LRCH2: variants seen among roughly 807,000 people sequenced by gnomAD.
LRCH2 encodes leucine rich repeats and calponin homology domain containing 2, also known as leucine-rich repeat and calponin homology domain-containing protein 2.
In LRCH2, 38 loss-of-function variants were observed where a neutral mutation model predicts 68.9. The observed-to-expected ratio is 0.55, with a 90% confidence interval of 0.43 to 0.72. The LOEUF is 0.72. Ranked by LOEUF, LRCH2 falls within the 30% of genes least tolerant of loss-of-function variation. The probability of loss-of-function intolerance (pLI) is 0.00; values close to 1 mark genes in which losing one functional copy is unlikely to be tolerated. For synonymous variants in LRCH2, 191 were observed against 208.1 expected, an observed-to-expected ratio of 0.92 and a Z score of 0.71; for missense variants, 528 against 572.9, an observed-to-expected ratio of 0.92 and a Z score of 0.80.
intron 1 of LRCH2, chrX:115,189,696 C>T: frequency 8.6e-7 from 1 of 1,168,153 alleles, no homozygotes; most frequent in Non-Finnish European, 1.1e-6. Context: ...CCCAGACCAT[C>T]AAACCGGCAT....
intron 20 of LRCH2, among the ~76,000 whole-genome samples, chrX:115,114,083 G>A (rs1383751403): frequency 2.7e-5 from 3 of 111,199 alleles, no homozygotes; most frequent in South Asian, 3.7e-4. Flanking sequence ...ACAGCCAAAT[G>A]GACATCTAAC....
At chrX:115,215,389 C>T (rs193148989) in intron 1 of LRCH2, among the ~76,000 whole-genome samples, 57 of 111,234 alleles carry the variant, frequency 5.1e-4, no homozygotes, top group Non-Finnish European at 8.7e-4. Flanking sequence ...AAACTATCAA[C>T]GACCAAGACG....
intron 10 of LRCH2, among the ~76,000 whole-genome samples, chrX:115,164,393 T>C (rs1556543498): frequency 9.0e-6 from 1 of 111,606 alleles, no homozygotes; most frequent in African/African-American, 3.2e-5. Flanking sequence ...TATCAAACCA[T>C]GAATCTTTGT....
chrX:115,222,438 G>A (rs929924811), intron 1 of LRCH2, among the ~76,000 whole-genome samples: 1 of 111,569 alleles, frequency 9.0e-6, no homozygotes, highest in African/African-American at 3.3e-5. Context: ...GAAATAAAAG[G>A]CTCCAGATTT....
At chrX:115,134,100 G>A (rs1341344335) in intron 14 of LRCH2, among the ~76,000 whole-genome samples, 1 of 112,183 alleles carries the variant, frequency 8.9e-6, no homozygotes, top group Non-Finnish European at 1.9e-5. Context: ...GAGTGGTCTG[G>A]ATAGAATAGC....
In LRCH2 at chrX:115,131,115, AT is replaced by A. The variant is rs201389470; in HGVS notation, c.1696-917del. Among the ~76,000 whole-genome samples, 20 of 110,140 alleles carry A rather than the reference AT, an allele frequency of 1.8e-4. No homozygotes were observed. The East Asian group carries it at 4.9e-3, about 27-fold the overall frequency. ...TTGTATATAGTTATATTTGTGGTCA[AT>A]TTTTTTTATTATATTTTAAGTTCTA... is the stretch of plus-strand genomic sequence containing the variant. On this transcript the variant is annotated intron_variant, in intron 14 of 20. Transcript: ENST00000317135.
At chrX:115,127,093 A>C (rs1556528391) in intron 15 of LRCH2, among the ~76,000 whole-genome samples, 200 bp from the exon 16 acceptor site, 2 of 111,573 alleles carry the variant, frequency 1.8e-5, no homozygotes, top group African/African-American at 6.5e-5. Context: ...GAAATGCAGA[A>C]TCTCAGGCCT....
At chrX:115,148,254 C>A (rs1193079108) in intron 14 of LRCH2, among the ~76,000 whole-genome samples, 1 of 111,706 alleles carries the variant, frequency 9.0e-6, no homozygotes, top group Non-Finnish European at 1.9e-5. Flanking sequence ...GCCTTAATTT[C>A]ATCATCTGTA....
intron 6 of LRCH2, among the ~76,000 whole-genome samples, chrX:115,168,037 T>C (rs1318288327): frequency 1.1e-4 from 12 of 112,005 alleles, no homozygotes; most frequent in African/African-American, 3.9e-4. Context: ...ATTTTCTTTT[T>C]TACATATGAG....
chrX:115,121,002 C>G (rs1261816797), intron 20 of LRCH2, among the ~76,000 whole-genome samples: 7 of 100,518 alleles, frequency 7.0e-5, no homozygotes, highest in Non-Finnish European at 1.2e-4. Flanking sequence ...AGGGGAACAT[C>G]CCACTCTGGG....
At chrX:115,219,942 A>G (rs782454881) in intron 1 of LRCH2, among the ~76,000 whole-genome samples, 133 of 111,810 alleles carry the variant, frequency 1.2e-3, no homozygotes, top group African/African-American at 4.1e-3. Flanking sequence ...CCAAGGCACC[A>G]TGGCAGAGGC....
intron 16 of LRCH2, among the ~76,000 whole-genome samples, chrX:115,124,255 T>C (rs999272306): frequency 8.9e-6 from 1 of 111,782 alleles, no homozygotes; most frequent in Non-Finnish European, 1.9e-5. Context: ...ATGAAAATCA[T>C]TAGTGAACTG....
intron 1 of LRCH2, among the ~76,000 whole-genome samples, chrX:115,219,042 G>A (rs997581886): frequency 8.9e-6 from 1 of 111,888 alleles, no homozygotes; most frequent in Non-Finnish European, 1.9e-5. Context: ...AGATACCTTA[G>A]TACCTTTCTA....
chrX:115,215,357 GA>G (rs1197644609), intron 1 of LRCH2, among the ~76,000 whole-genome samples: 1 of 111,226 alleles, frequency 9.0e-6, no homozygotes, highest in Non-Finnish European at 1.9e-5. Flanking sequence ...CTGGGCCAAG[GA>G]CATAAACAGT....
chrX:115,165,226 A>G (rs782228642), intron 10 of LRCH2, among the ~76,000 whole-genome samples, 179 bp downstream of exon 10: 1 of 111,135 alleles, frequency 9.0e-6, no homozygotes, highest in South Asian at 3.7e-4. Context: ...AACGCTTACT[A>G]TAATTTTGTG....
chrX:115,125,602 T>C (rs868909699), intron 16 of LRCH2, among the ~76,000 whole-genome samples: 1 of 22,103 alleles, frequency 4.5e-5, no homozygotes, highest in Admixed American at 8.2e-4. Flanking sequence ...TACACATATA[T>C]ATACGTATAT....
At chrX:115,190,792 G>A (rs1430561307) in intron 1 of LRCH2, 21 of 1,163,483 alleles carry the variant, frequency 1.8e-5, no homozygotes, top group Admixed American at 1.6e-4. Context: ...GTCCGACGAC[G>A]CCTACAGTGG....
chrX:115,189,284 G>A (rs1364740658), intron 1 of LRCH2: 3 of 519,826 alleles, frequency 5.8e-6, no homozygotes, highest in Non-Finnish European at 9.4e-6. Context: ...AGACGTTGGT[G>A]TTCCCAAGAA....
chrX:115,166,272 G>A lies in LRCH2; in HGVS notation c.1069C>T (p.Arg357Ter), dbSNP rs782690640. The change falls in exon 7 of 21, where the codon CGA (arginine) becomes TGA (stop). Residue 357 changes from arginine to a stop codon, truncating the protein, a stop_gained. Transcript: ENST00000317135. LOFTEE classifies it high-confidence loss of function. ...SGIGSDNGEK[R>*]LSTTEPSDDD... ...ATACTCACTTCTGTTGTGGATAATC[G>A]TTTCTCTCCATTATCACTTCCAATT... The A allele has an allele frequency of 2.5e-6, 3 of 1,187,719 alleles. No homozygotes were observed. The highest frequency in any genetic ancestry group is 1.8e-5 in the African/African-American group (1 of 56,340).
Sources: gnomAD v4.1 joint callset for allele counts (sites outside exome capture counted in the v4.1 genomes callset) on GRCh38, gnomAD v4.1.1 for gene constraint, MANE v1.5 for transcripts, NCBI Gene and HGNC (gene_info 2026-07-23, HGNC 2026-07-21) for gene names.